LARGE1: variants seen among roughly 807,000 people sequenced by gnomAD.
LARGE1 encodes LARGE xylosyl- and glucuronyltransferase 1, also known as xylosyl- and glucuronyltransferase LARGE1.
LARGE1 carries 43 observed loss-of-function variants against 87.6 expected under a neutral mutation model. That is an observed-to-expected ratio of 0.49 (90% CI 0.38 to 0.63). LARGE1 has a LOEUF of 0.63. Among genes scored for constraint, LARGE1 ranks in the 30% least tolerant of loss-of-function variants. LARGE1 has a pLI of 0.00. For missense variants in LARGE1, 802 were observed against 1,000.2 expected, an observed-to-expected ratio of 0.80 and a Z score of 2.67; for synonymous variants, 434 against 394.6, an observed-to-expected ratio of 1.10 and a Z score of -1.18.
intron 11 of LARGE1, among the ~76,000 whole-genome samples, chr22:33,178,938 C>T (rs1923019510): frequency 6.6e-6 from 1 of 152,080 alleles, no homozygotes; most frequent in African/African-American, 2.4e-5. Context: ...GTTTTGAAAG[C>T]TGAGAATTCC....
the LARGE1 span, among the ~76,000 whole-genome samples, chr22:33,114,739 C>T: frequency 1.1e-4 from 17 of 152,252 alleles, no homozygotes; most frequent in South Asian, 3.5e-3. Flanking sequence ...ATTTCACTTG[C>T]CTGAATCATA....
At chr22:33,662,076 C>CAAAA (rs34470280) in intron 2 of LARGE1, among the ~76,000 whole-genome samples, 22 of 54,892 alleles carry the variant, frequency 4.0e-4, no homozygotes, top group African/African-American at 1.2e-3. Flanking sequence ...GCTTAGGAGC[C>CAAAA]AAAAAAAAAA....
At chr22:33,495,556 T>C (rs992739632) in intron 6 of LARGE1, among the ~76,000 whole-genome samples, 3 of 151,744 alleles carry the variant, frequency 2.0e-5, no homozygotes, top group African/African-American at 7.3e-5. Flanking sequence ...CTGTCTCTAC[T>C]AAAAATACAA....
intron 6 of LARGE1, among the ~76,000 whole-genome samples, chr22:33,521,095 C>T (rs1001668687): frequency 6.6e-6 from 1 of 152,162 alleles, no homozygotes; most frequent in Non-Finnish European, 1.5e-5. Flanking sequence ...GTCCCACTGG[C>T]TGGGAACTAT....
chr22:33,847,302 C>G (rs559961188), intron 1 of LARGE1, among the ~76,000 whole-genome samples: 32 of 152,182 alleles, frequency 2.1e-4, no homozygotes, highest in Non-Finnish European at 4.3e-4. Flanking sequence ...AAAACACTGA[C>G]TTTATTAGAC....
intron 7 of LARGE1, among the ~76,000 whole-genome samples, chr22:33,429,705 T>G (rs1195175927): frequency 3.3e-5 from 5 of 152,186 alleles, no homozygotes; most frequent in Non-Finnish European, 7.4e-5. Context: ...CACCAGGGTT[T>G]TCCTGAGACT....
At chr22:33,118,504 G>GAAAAAAAAA in the LARGE1 span, among the ~76,000 whole-genome samples, 18 of 80,454 alleles carry the variant, frequency 2.2e-4, no homozygotes, top group East Asian at 4.0e-4. Flanking sequence ...AAAGAAAAAA[G>GAAAAAAAAA]AAAAAAAAAA....
At chr22:33,257,436 AAAACAAAAAC>A (rs1443568931) in intron 11 of LARGE1, among the ~76,000 whole-genome samples, 1 of 134,582 alleles carries the variant, frequency 7.4e-6, no homozygotes, top group Admixed American at 7.5e-5. Context: ...AACAAAAACA[AAAACAAAAAC>A]AAAAACAAAA....
chr22:33,376,106 C>T (rs1244078441), intron 9 of LARGE1, among the ~76,000 whole-genome samples: 2 of 151,964 alleles, frequency 1.3e-5, no homozygotes, highest in East Asian at 3.8e-4. Flanking sequence ...TAAAAATTGG[C>T]CATTTCCAAG....
At chr22:33,078,358 C>G in the LARGE1 span, among the ~76,000 whole-genome samples, 2 of 152,232 alleles carry the variant, frequency 1.3e-5, no homozygotes, top group Non-Finnish European at 2.9e-5. Context: ...CCAGGAAGCT[C>G]AGGCAGTAGG....
intron 2 of LARGE1, among the ~76,000 whole-genome samples, chr22:33,711,523 G>A (rs1174233099): frequency 2.6e-5 from 4 of 152,222 alleles, no homozygotes; most frequent in South Asian, 2.1e-4. Flanking sequence ...ACAGCTGACC[G>A]ATACATAGGA....
chr22:33,722,069 T>C (rs2083115393), intron 2 of LARGE1, among the ~76,000 whole-genome samples: 1 of 152,024 alleles, frequency 6.6e-6, no homozygotes, highest in African/African-American at 2.4e-5. Flanking sequence ...CTGGCCAACA[T>C]GGTGAAACCC....
intron 11 of LARGE1, among the ~76,000 whole-genome samples, chr22:33,228,517 G>A (rs1925847084): frequency 6.6e-6 from 1 of 152,240 alleles, no homozygotes. Flanking sequence ...GATATTGGGT[G>A]AAGGCAACCT....
intron 4 of LARGE1, among the ~76,000 whole-genome samples, chr22:33,625,597 G>C (rs959487161): frequency 2.0e-5 from 3 of 152,190 alleles, no homozygotes; most frequent in Admixed American, 6.5e-5. Flanking sequence ...CCACCGACTA[G>C]GTGGATAAAA....
intron 1 of LARGE1, among the ~76,000 whole-genome samples, chr22:33,854,483 A>G (rs2018292): frequency 0.18 from 27,924 of 152,124 alleles, 2,753 homozygotes; most frequent in Middle Eastern, 0.27. Flanking sequence ...TTTAAAAAGT[A>G]CAAGGTAAAT....
intron 1 of LARGE1, among the ~76,000 whole-genome samples, chr22:33,917,814 C>A (rs2065830213): frequency 6.6e-6 from 1 of 152,096 alleles, no homozygotes; most frequent in Non-Finnish European, 1.5e-5. Context: ...CTCACTAGTG[C>A]AAGCATGTAC....
At chr22:33,652,146 A>C (rs1243431010) in intron 2 of LARGE1, among the ~76,000 whole-genome samples, 1 of 152,150 alleles carries the variant, frequency 6.6e-6, no homozygotes, top group Non-Finnish European at 1.5e-5. Flanking sequence ...ACTGCATTCC[A>C]GCCTGGCGAC....
intron 1 of LARGE1, among the ~76,000 whole-genome samples, chr22:33,846,275 C>A (rs945910974): frequency 6.6e-6 from 1 of 152,204 alleles, no homozygotes; most frequent in Non-Finnish European, 1.5e-5. Context: ...TTTATAATTT[C>A]TTATGCCTGT....
chr22:33,889,694 G>C (rs1053821946), intron 1 of LARGE1, among the ~76,000 whole-genome samples: 1 of 152,178 alleles, frequency 6.6e-6, no homozygotes, highest in Admixed American at 6.5e-5. Flanking sequence ...CAATACTCAC[G>C]GAGGCACCTA....
Sources: allele counts gnomAD v4.1 joint callset (sites outside exome capture counted in the v4.1 genomes callset), GRCh38; gene constraint gnomAD v4.1.1; transcripts MANE v1.5; gene names NCBI Gene and HGNC (gene_info 2026-07-23, HGNC 2026-07-21).